ZC3H14: variants seen among roughly 807,000 people sequenced by gnomAD.
ZC3H14 encodes the protein zinc finger CCCH domain-containing protein 14.
In ZC3H14, 31 loss-of-function variants were observed where a neutral mutation model predicts 92.4. The observed-to-expected ratio is 0.34, with a 90% confidence interval of 0.25 to 0.45. The LOEUF (loss-of-function observed/expected upper bound fraction) is 0.45. Among genes scored for constraint, ZC3H14 ranks in the 20% least tolerant of loss-of-function variants. ZC3H14 has a pLI of 1.00. For synonymous variants in ZC3H14, 321 were observed against 300.9 expected (o/e 1.07, Z -0.69); for missense variants, 781 against 897.3 (o/e 0.87, Z 1.66).
intron 9 of ZC3H14, among the ~76,000 whole-genome samples, chr14:88,585,636 C>T (rs556704904): frequency 4.6e-5 from 7 of 152,104 alleles, no homozygotes; most frequent in Middle Eastern, 3.2e-3. Flanking sequence ...GTTATCTGCC[C>T]GCTTCAGCCT....
intron 10 of ZC3H14, among the ~76,000 whole-genome samples, chr14:88,598,336 G>A (rs962014255): frequency 1.2e-4 from 18 of 152,166 alleles, no homozygotes; most frequent in African/African-American, 4.3e-4. Flanking sequence ...TCTCAGGCTG[G>A]TCAGCTTCTC....
rs561440859 is a variant in ZC3H14 at position 88,611,664 on chromosome 14, G to A, written c.2205-81G>A. On this transcript the variant is annotated intron_variant, in intron 16 of 16. Coordinates refer to ENST00000251038, the MANE Select transcript of ZC3H14 (RefSeq NM_024824.5). ...ACCAAATATTTATTGCTTAAAACTA[G>A]TCAACTTTTTAAACTGAGATATATG... is the stretch of plus-strand genomic sequence containing the variant. The A allele has an allele frequency of 3.1e-4, 487 of 1,553,172 alleles. 3 individuals carry two copies. The South Asian group carries it at 5.1e-3, about 16-fold the overall frequency.
At chr14:88,596,601 A>T in intron 9 of ZC3H14, 133 bp from the exon 10 acceptor site, 2 of 769,098 alleles carry the variant, frequency 2.6e-6, no homozygotes, top group Non-Finnish European at 2.2e-6. Context: ...AAATACTATT[A>T]AATTGAATTG....
chr14:88,566,038 C>G lies in ZC3H14; in HGVS notation c.80-2001C>G, dbSNP rs1287454156. Among the ~76,000 whole-genome samples the G allele has an allele frequency of 7.8e-4, 32 of 41,274 alleles. 6 individuals are homozygous for G. The highest frequency in any genetic ancestry group is 2.0e-3 in the African/African-American group (32 of 16,134). 27.1% of individuals were successfully genotyped at this position (41,274 alleles called of 152,430 possible). ...ACCTGCCACCACCCCGCCCCCCCCC[C>G]CCGGCTAATTTTTGTGTTTTTAGTG... On this transcript the variant is annotated intron_variant, in intron 2 of 16. Transcript: ENST00000251038.
chr14:88,564,806 T>C (rs1028868517), intron 2 of ZC3H14, among the ~76,000 whole-genome samples: 5 of 152,150 alleles, frequency 3.3e-5, no homozygotes, highest in Admixed American at 2.0e-4. Flanking sequence ...TGCGAGGAAA[T>C]AGAAATGCTC....
At chr14:88,592,081 A>G (rs952348456) in intron 9 of ZC3H14, 17 of 152,206 alleles carry the variant, frequency 1.1e-4, no homozygotes, top group African/African-American at 2.9e-4. Flanking sequence ...CTTATTTTCT[A>G]TTCTAAAGTT....
At chr14:88,587,081 G>A (rs1457016135) in intron 9 of ZC3H14, among the ~76,000 whole-genome samples, 1 of 151,598 alleles carries the variant, frequency 6.6e-6, no homozygotes, top group African/African-American at 2.4e-5. Context: ...GGTTACTTTA[G>A]TAATTTTAAG....
At chr14:88,563,994 G>C (rs1027386425) in intron 2 of ZC3H14, among the ~76,000 whole-genome samples, 1 of 151,920 alleles carries the variant, frequency 6.6e-6, no homozygotes, top group South Asian at 2.1e-4. Context: ...TTCTAGGGAC[G>C]GGTCTCGCTA....
Position 88,622,813 on chromosome 14 carries a change from T to TC in ZC3H14, c.*11062_*11063insC. 1.3e-6 allele frequency: 1 copy of TC among 772,668 alleles called. No homozygotes were observed. Among genetic ancestry groups the TC allele is most frequent in the Non-Finnish European group, 1.9e-6 (1 of 530,490 alleles). The allele number at this position is 772,668 out of a possible 1,614,324, so 47.9% of individuals were successfully genotyped here. A position where few individuals can be genotyped will look rare whatever the true frequency, so the allele number is the denominator to read the frequency against. ...CAAGTTATAAGCAGAATCTTTTTTT[T>TC]TTAAAAAGGCCCTGATATTTATAAT... On this transcript the variant is annotated 3_prime_UTR_variant, in exon 17 of 17. Transcript: ENST00000251038.
intron 7 of ZC3H14, among the ~76,000 whole-genome samples, chr14:88,575,520 TTG>T (rs1223752943): frequency 6.6e-6 from 1 of 152,002 alleles, no homozygotes; most frequent in Non-Finnish European, 1.5e-5. Context: ...TAATGAGTCT[TTG>T]TCTCTTAAAA....
chr14:88,622,448 G>T lies in ZC3H14; in HGVS notation c.*10697G>T. 1 of 528,492 alleles carries T rather than the reference G, an allele frequency of 1.9e-6. No individual in the cohort carries two copies. The highest frequency in any genetic ancestry group is 3.1e-6 in the Non-Finnish European group (1 of 322,874). 32.7% of individuals were successfully genotyped at this position (528,492 alleles called of 1,614,324 possible). ...TATGCACCACACTGGTGCTAACTTT[G>T]GCAAAGAAAGCAGCAAAGACAGAGT... On this transcript the variant is annotated 3_prime_UTR_variant, in exon 17 of 17. Transcript: ENST00000251038.
Position 88,587,923 on chromosome 14 carries a change from C to T in ZC3H14, c.1280-8811C>T, listed in dbSNP as rs191328654. On this transcript the variant is annotated intron_variant, in intron 9 of 16. Coordinates refer to ENST00000251038, the MANE Select transcript of ZC3H14 (RefSeq NM_024824.5). The stretch of plus-strand genomic sequence containing the variant: ...GCCAGCCTGGGTGACAGACCAAGAC[C>T]CTGTCTCTAAAAATAAAAAAAAAAT... Among the ~76,000 whole-genome samples, 30 of 152,008 alleles carry T rather than the reference C, an allele frequency of 2.0e-4. 1 individual carries two copies. The highest frequency in any genetic ancestry group is 1.0e-3 in the South Asian group (5 of 4,806).
chr14:88,598,580 A>T (rs767143069), intron 10 of ZC3H14, among the ~76,000 whole-genome samples: 2 of 152,194 alleles, frequency 1.3e-5, no homozygotes, highest in Non-Finnish European at 2.9e-5. Context: ...GGGAGAATGC[A>T]TGCAGTGGGT....
At chr14:88,567,405 G>A (rs1464298156) in intron 2 of ZC3H14, among the ~76,000 whole-genome samples, 1 of 149,576 alleles carries the variant, frequency 6.7e-6, no homozygotes, top group African/African-American at 2.5e-5. Context: ...ATGAGCCACC[G>A]CGCCTGGCCT....
chr14:88,612,627 AAT>A lies in ZC3H14; in HGVS notation c.*880_*881del, dbSNP rs1163733053. ...AATAACATTCTCAGAATCCACAGAA[AAT>A]ATACTTAGTTACTACTGAAGATAAT... is the stretch of plus-strand genomic sequence containing the variant. On this transcript the variant is annotated 3_prime_UTR_variant, in exon 17 of 17. Coordinates refer to ENST00000251038, the MANE Select transcript of ZC3H14 (RefSeq NM_024824.5). 2.6e-5 allele frequency: 4 copies of A among 152,674 alleles called. No homozygotes were observed. The highest frequency in any genetic ancestry group is 9.6e-5 in the African/African-American group (4 of 41,458). 9.5% of individuals were successfully genotyped at this position (152,674 alleles called of 1,614,324 possible).
chr14:88,598,302 A>T (rs571894334), intron 10 of ZC3H14, among the ~76,000 whole-genome samples: 1 of 152,260 alleles, frequency 6.6e-6, no homozygotes, highest in Admixed American at 6.5e-5. Flanking sequence ...GGGCACCCTG[A>T]TGTCACTGCC....
intron 8 of ZC3H14, among the ~76,000 whole-genome samples, chr14:88,576,318 T>C (rs1352722309): frequency 1.3e-5 from 2 of 152,226 alleles, no homozygotes; most frequent in Non-Finnish European, 2.9e-5. Context: ...ATGATAGGTA[T>C]CTGAAGTTAT....
intron 9 of ZC3H14, chr14:88,589,091 A>T (rs1266824547): frequency 6.6e-6 from 1 of 152,044 alleles, no homozygotes; most frequent in African/African-American, 2.4e-5. Flanking sequence ...CGATTATGGA[A>T]TTTTTTTCAA....
chr14:88,623,914 T>C lies in ZC3H14; in HGVS notation c.*12163T>C, dbSNP rs2089501093. 1 of 152,176 alleles carries C rather than the reference T, an allele frequency of 6.6e-6. No homozygotes were observed. The highest frequency in any genetic ancestry group is 1.5e-5 in the Non-Finnish European group (1 of 68,038). The allele number at this position is 152,176 out of a possible 1,614,324, so 9.4% of individuals were successfully genotyped here. A position where few individuals can be genotyped will look rare whatever the true frequency, so the allele number is the denominator to read the frequency against. On this transcript the variant is annotated 3_prime_UTR_variant, in exon 17 of 17. Coordinates refer to ENST00000251038, the MANE Select transcript of ZC3H14 (RefSeq NM_024824.5). ...AAGGGCTGAAAAATGTATTCCTTCC[T>C]TTTCTGCTAGATGAATTGCTTGTCT...
Sources: allele counts gnomAD v4.1 joint callset (sites outside exome capture counted in the v4.1 genomes callset), GRCh38; gene constraint gnomAD v4.1.1; transcripts MANE v1.5; gene names NCBI Gene and HGNC (gene_info 2026-07-23, HGNC 2026-07-21).